The following MARK1 variants were observed in gnomAD, a reference collection of about 807,000 sequenced individuals.
MARK1 encodes the protein serine/threonine-protein kinase MARK1.
MARK1 carries 40 observed loss-of-function variants against 96.3 expected under a neutral mutation model. The ratio of observed to expected loss-of-function variants is 0.42; its 90% CI spans 0.32 to 0.54. The LOEUF is 0.54. MARK1 is among the 20% of genes least tolerant of loss of function. The pLI, the probability that MARK1 is intolerant of heterozygous loss-of-function variation, is 0.16. For synonymous variants in MARK1, 317 were observed against 341.2 expected, an observed-to-expected ratio of 0.93 and a Z score of 0.78; for missense variants, 719 against 984.6, an observed-to-expected ratio of 0.73 and a Z score of 3.61.
chr1:220,632,360 A>AAT (rs754349933), intron 11 of MARK1, 47 bp downstream of exon 11: 1 of 808,454 alleles, frequency 1.2e-6, no homozygotes, highest in Non-Finnish European at 2.0e-6. Flanking sequence ...TTCTTGAGCT[A>AAT]ATATATTAGT....
At position 220,663,268 on chromosome 1, in the gene MARK1, T is replaced by C. The variant is rs942203788; in HGVS notation, c.*1102T>C. The C allele has an allele frequency of 6.6e-6, 1 of 152,568 alleles. No homozygotes were observed. Among genetic ancestry groups the C allele is most frequent in the African/African-American group, 2.4e-5 (1 of 41,452 alleles). The allele number at this position is 152,568 out of a possible 1,614,324, so 9.5% of individuals were successfully genotyped here. ...ACAGTATATGATTGATTTATGCTTA[T>C]GTGGTTGTTCAGTTTGTTCCCATGT... On this transcript the variant is annotated 3_prime_UTR_variant, in exon 18 of 18. Coordinates refer to ENST00000366917, the MANE Select transcript of MARK1 (RefSeq NM_018650.5).
intron 5 of MARK1, among the ~76,000 whole-genome samples, chr1:220,601,120 G>A (rs985070024): frequency 5.3e-5 from 8 of 151,824 alleles, no homozygotes; most frequent in African/African-American, 9.7e-5. Flanking sequence ...GGTTTTCACC[G>A]TGTTAGCCAG....
chr1:220,529,762 C>G (rs78966550), intron 1 of MARK1, among the ~76,000 whole-genome samples: 1 of 152,128 alleles, frequency 6.6e-6, no homozygotes, highest in Non-Finnish European at 1.5e-5. Context: ...GTATTTCCAC[C>G]TTCTGAAAAG....
chr1:220,656,160 A>G (rs1558328997), intron 16 of MARK1, among the ~76,000 whole-genome samples: 1 of 152,198 alleles, frequency 6.6e-6, no homozygotes, highest in Admixed American at 6.5e-5. Context: ...GCTGTGCTGC[A>G]TATGCTGTTA....
At chr1:220,534,097 G>A (rs1171744922) in intron 1 of MARK1, among the ~76,000 whole-genome samples, 2 of 151,550 alleles carry the variant, frequency 1.3e-5, no homozygotes. Flanking sequence ...TGGTGGGGAG[G>A]GAGTAGATTT....
intron 9 of MARK1, among the ~76,000 whole-genome samples, chr1:220,624,728 C>T (rs1314232599): frequency 2.0e-5 from 3 of 152,074 alleles, no homozygotes; most frequent in East Asian, 3.8e-4. Context: ...GAAGTGAGCA[C>T]CAAATAAATA....
At chr1:220,600,892 C>CTTTTTTTTTTTT (rs11417176) in intron 5 of MARK1, among the ~76,000 whole-genome samples, 4 of 144,254 alleles carry the variant, frequency 2.8e-5, no homozygotes, top group African/African-American at 5.1e-5. Flanking sequence ...TTTTCTTTTT[C>CTTTTTTTTTTTT]TTTTTTTTTT....
chr1:220,616,112 GTAGT>G (rs909775501), intron 7 of MARK1, 117 bp downstream of exon 7: 19 of 439,264 alleles, frequency 4.3e-5, no homozygotes, highest in Non-Finnish European at 5.9e-5. Context: ...CACTATACAA[GTAGT>G]TAGTTTTTGA....
Position 220,574,907 on chromosome 1 carries a change from A to G in MARK1, c.52-4447A>G, listed in dbSNP as rs377600434. Among the ~76,000 whole-genome samples, 13 of 152,330 alleles carry G rather than the reference A, an allele frequency of 8.5e-5. 1 individual carries two copies. The East Asian group carries it at 1.4e-3, about 16-fold the overall frequency. ...GCATATTCCAAAGTCCTGAGAGCAGAGCTGTGACAGCCCTACCTTCAGGTC... is the reference window on the plus strand; with the variant it reads ...GCATATTCCAAAGTCCTGAGAGCAGGGCTGTGACAGCCCTACCTTCAGGTC... On this transcript the variant is annotated intron_variant, in intron 1 of 17. Coordinates refer to ENST00000366917, the MANE Select transcript of MARK1 (RefSeq NM_018650.5).
intron 1 of MARK1, among the ~76,000 whole-genome samples, chr1:220,551,948 G>A (rs936782396): frequency 2.0e-5 from 3 of 152,188 alleles, no homozygotes; most frequent in African/African-American, 7.2e-5. Flanking sequence ...GCCATCAGAA[G>A]TCTTGCCTGC....
intron 1 of MARK1, among the ~76,000 whole-genome samples, chr1:220,532,172 A>G (rs976160408): frequency 1.3e-5 from 2 of 152,212 alleles, no homozygotes; most frequent in Non-Finnish European, 1.5e-5. Flanking sequence ...AAAAGCCTTT[A>G]ATAAAAAAAG....
chr1:220,653,776 CAG>C (rs555511799), intron 16 of MARK1, among the ~76,000 whole-genome samples: 128 of 152,214 alleles, frequency 8.4e-4, no homozygotes, highest in African/African-American at 2.9e-3. Flanking sequence ...GCCTACACAC[CAG>C]AGTCACAGAT....
At chr1:220,583,282 C>T (rs1664368484) in intron 3 of MARK1, among the ~76,000 whole-genome samples, 1 of 152,170 alleles carries the variant, frequency 6.6e-6, no homozygotes, top group Non-Finnish European at 1.5e-5. Flanking sequence ...TGATCCCTCT[C>T]CTTTATCCTC....
chr1:220,639,269 AT>A (rs1668138537), intron 13 of MARK1, among the ~76,000 whole-genome samples: 1 of 145,184 alleles, frequency 6.9e-6, no homozygotes, highest in East Asian at 1.9e-4. Flanking sequence ...TGTCAAAAAA[AT>A]AAAAATAAAA....
At chr1:220,575,549 C>G (rs1292338791) in intron 1 of MARK1, among the ~76,000 whole-genome samples, 3 of 152,070 alleles carry the variant, frequency 2.0e-5, no homozygotes, top group Non-Finnish European at 2.9e-5. Flanking sequence ...AGGTTGTCTC[C>G]TAAGTGATGC....
intron 1 of MARK1, among the ~76,000 whole-genome samples, chr1:220,549,683 G>A (rs1373376797): frequency 1.3e-5 from 2 of 152,182 alleles, no homozygotes; most frequent in East Asian, 3.9e-4. Context: ...TAGTGACATA[G>A]ATGTCCTCAG....
chr1:220,642,415 G>A (rs1035397831), intron 13 of MARK1, among the ~76,000 whole-genome samples: 8 of 152,144 alleles, frequency 5.3e-5, no homozygotes, highest in Middle Eastern at 6.8e-3. Flanking sequence ...TCCATCCCTC[G>A]TCACCAGGCA....
At chr1:220,537,406 A>C (rs1269641772) in intron 1 of MARK1, among the ~76,000 whole-genome samples, 1 of 151,676 alleles carries the variant, frequency 6.6e-6, no homozygotes, top group Non-Finnish European at 1.5e-5. Context: ...GTCCCTACAA[A>C]GGACATGAAC....
intron 1 of MARK1, among the ~76,000 whole-genome samples, chr1:220,566,932 T>C (rs1663101213): frequency 6.6e-6 from 1 of 152,162 alleles, no homozygotes; most frequent in Non-Finnish European, 1.5e-5. Context: ...TAATAGTCTT[T>C]TGTTTAAATA....
Sources: gnomAD v4.1 joint callset for allele counts (sites outside exome capture counted in the v4.1 genomes callset) on GRCh38, gnomAD v4.1.1 for gene constraint, MANE v1.5 for transcripts, NCBI Gene and HGNC (gene_info 2026-07-23, HGNC 2026-07-21) for gene names.